DCBLD1: variants seen among roughly 807,000 people sequenced by gnomAD.
The protein encoded by DCBLD1 is discoidin, CUB and LCCL domain containing 1, also known as discoidin, CUB and LCCL domain-containing protein 1.
DCBLD1 carries 57 observed loss-of-function variants against 71.5 expected under a neutral mutation model. That is an observed-to-expected ratio of 0.80 (90% confidence interval 0.64 to 0.99). The LOEUF is 0.99. DCBLD1 is among the 50% of genes least tolerant of loss of function. The pLI is 0.00. For missense variants in DCBLD1, 891 were observed against 923.5 expected, an observed-to-expected ratio of 0.96 and a Z score of 0.46; for synonymous variants, 380 against 363.8, an observed-to-expected ratio of 1.04 and a Z score of -0.51.
intron 7 of DCBLD1, among the ~76,000 whole-genome samples, 198 bp from the exon 8 acceptor site, chr6:117,538,422 T>C (rs1295966778): frequency 1.1e-4 from 16 of 152,222 alleles, no homozygotes. Flanking sequence ...AGAAAAGCAA[T>C]AACAGTTTCA....
chr6:117,493,578 A>G (rs9489214), intron 1 of DCBLD1, among the ~76,000 whole-genome samples: 2,455 of 152,330 alleles, frequency 0.016, 54 homozygotes, highest in African/African-American at 0.056. Flanking sequence ...TATGACTACA[A>G]AAAACTAAAT....
intron 14 of DCBLD1, chr6:117,563,452 T>A (rs1779628463): frequency 2.0e-6 from 3 of 1,487,120 alleles, no homozygotes; most frequent in Non-Finnish European, 1.9e-6. Flanking sequence ...TCAGGTGCAG[T>A]GGCTCATACC....
chr6:117,525,282 C>T lies in DCBLD1; in HGVS notation c.513-80C>T, dbSNP rs527934700. The T allele has an allele frequency of 2.7e-6, 3 of 1,123,338 alleles. No individual in the cohort carries two copies. In the South Asian group the frequency reaches 9.4e-5, roughly 35 times the overall value. 69.6% of individuals were successfully genotyped at this position (1,123,338 alleles called of 1,614,324 possible). ...GATATTATATGGAGGGCAGAAAATA[C>T]TTTAAAAATTTAAGTACAGTTTAAT... On this transcript the variant is annotated intron_variant, in intron 4 of 14. Coordinates refer to ENST00000338728, the MANE Select transcript of DCBLD1 (RefSeq NM_001366458.2).
intron 1 of DCBLD1, among the ~76,000 whole-genome samples, chr6:117,486,213 G>A (rs1777080620): frequency 6.6e-6 from 1 of 152,166 alleles, no homozygotes; most frequent in African/African-American, 2.4e-5. Flanking sequence ...TTATTTTTAA[G>A]ATACATGGGG....
chr6:117,521,439 T>G, intron 3 of DCBLD1, 86 bp from the exon 4 acceptor site: 1 of 1,184,296 alleles, frequency 8.4e-7, no homozygotes, highest in Non-Finnish European at 1.2e-6. Context: ...TTTTAAAAAC[T>G]CTTTTATTTT....
Position 117,503,840 on chromosome 6 carries a change from C to G in DCBLD1, c.186C>G (p.Tyr62Ter). The G allele has an allele frequency of 6.2e-7, 1 of 1,614,050 alleles. No homozygotes were observed. Among genetic ancestry groups the G allele is most frequent in the Non-Finnish European group, 8.5e-7 (1 of 1,179,978 alleles). Reference sequence around the variant, plus strand: ...CATCTAAGAATTATCCCGGGACCTACCCCAATCACACTGTTTGCGAAAAGA... The same window carrying G: ...CATCTAAGAATTATCCCGGGACCTAGCCCAATCACACTGTTTGCGAAAAGA... The part of the protein sequence containing the change: ...TMTSKNYPGT[Y>*]PNHTVCEKTI... The change falls in exon 2 of 15, where the codon TAC becomes TAG. Residue 62 changes from tyrosine (Y) to a stop codon, truncating the protein, a stop_gained. Transcript: ENST00000338728. LOFTEE classifies it high-confidence loss of function.
intron 14 of DCBLD1, among the ~76,000 whole-genome samples, chr6:117,558,125 G>C (rs1339565489): frequency 2.0e-5 from 3 of 152,208 alleles, no homozygotes; most frequent in African/African-American, 7.2e-5. Context: ...CATGGTTCTA[G>C]GTTTTCCTCA....
chr6:117,561,461 T>A (rs1779583154), intron 14 of DCBLD1: 1 of 221,718 alleles, frequency 4.5e-6, no homozygotes, highest in African/African-American at 2.2e-5. Flanking sequence ...GGTTTTCGGG[T>A]CTGCTACAAT....
chr6:117,503,679 T>C, intron 1 of DCBLD1, 88 bp from the exon 2 acceptor site: 1 of 1,399,122 alleles, frequency 7.1e-7, no homozygotes, highest in Non-Finnish European at 9.9e-7. Flanking sequence ...ATAAAATACA[T>C]AACTTGGAGA....
intron 1 of DCBLD1, among the ~76,000 whole-genome samples, chr6:117,491,326 C>T (rs531688708): frequency 1.9e-4 from 29 of 152,224 alleles, no homozygotes; most frequent in African/African-American, 5.1e-4. Context: ...GGTTTGCCCC[C>T]ATTCCGCCCA....
Position 117,506,078 on chromosome 6 carries a change from A to G in DCBLD1, c.325+2099A>G, listed in dbSNP as rs553571074. Reference sequence around the variant, plus strand: ...TATGCTCATCTGTATTATTATTATCATTCATTATTATAGAAATAAACATAT... The same window carrying G: ...TATGCTCATCTGTATTATTATTATCGTTCATTATTATAGAAATAAACATAT... On this transcript the variant is annotated intron_variant, in intron 2 of 14. Coordinates refer to ENST00000338728, the MANE Select transcript of DCBLD1 (RefSeq NM_001366458.2). Among the ~76,000 whole-genome samples the G allele has an allele frequency of 2.6e-5, 4 of 152,226 alleles. No homozygotes were observed. The South Asian group carries it at 6.2e-4, about 24-fold the overall frequency.
chr6:117,569,782 A>G, exon 15 of DCBLD1: 1 of 1,502,906 alleles, frequency 6.7e-7, no homozygotes, highest in Non-Finnish European at 8.9e-7. Flanking sequence ...TTTGTAAGGT[A>G]CAGTTACCGA....
intron 1 of DCBLD1, among the ~76,000 whole-genome samples, chr6:117,498,775 T>C (rs1392142993): frequency 6.6e-6 from 1 of 152,168 alleles, no homozygotes; most frequent in Non-Finnish European, 1.5e-5. Context: ...TCCCAGACCT[T>C]ATGTCATTTC....
At chr6:117,541,705 C>T (rs1434441442) in intron 11 of DCBLD1, among the ~76,000 whole-genome samples, 1 of 152,108 alleles carries the variant, frequency 6.6e-6, no homozygotes, top group Non-Finnish European at 1.5e-5. Flanking sequence ...AAAAATTAGT[C>T]ATAAATCAGT....
intron 1 of DCBLD1, among the ~76,000 whole-genome samples, chr6:117,490,093 GCACA>G (rs34912807): frequency 0.25 from 36,955 of 147,190 alleles, 4,491 homozygotes; most frequent in South Asian, 0.33. Context: ...TTATGTAAAT[GCACA>G]CACACACACA....
intron 2 of DCBLD1, among the ~76,000 whole-genome samples, chr6:117,509,745 C>T (rs954296148): frequency 1.3e-5 from 2 of 152,104 alleles, no homozygotes; most frequent in Non-Finnish European, 2.9e-5. Flanking sequence ...GGCTGAGCTC[C>T]AGCAGCACAC....
chr6:117,563,579 G>A (rs977375073), intron 14 of DCBLD1, among the ~76,000 whole-genome samples: 5 of 151,784 alleles, frequency 3.3e-5, no homozygotes, highest in Admixed American at 1.3e-4. Context: ...AAAATTCGCC[G>A]GGCATGGTGG....
intron 1 of DCBLD1, among the ~76,000 whole-genome samples, chr6:117,490,133 C>T (rs76041987): frequency 0.031 from 4,647 of 150,222 alleles, 85 homozygotes; most frequent in Non-Finnish European, 0.038. Flanking sequence ...ACCCCTATAG[C>T]AAATACATGT....
At chr6:117,514,630 T>C (rs796505261) in intron 2 of DCBLD1, among the ~76,000 whole-genome samples, 2 of 151,818 alleles carry the variant, frequency 1.3e-5, no homozygotes, top group South Asian at 4.1e-4. Context: ...ATGATATTTA[T>C]ATAGAGAGGG....
Sources: gnomAD v4.1 joint callset for allele counts (sites outside exome capture counted in the v4.1 genomes callset) on GRCh38, gnomAD v4.1.1 for gene constraint, MANE v1.5 for transcripts, NCBI Gene and HGNC (gene_info 2026-07-23, HGNC 2026-07-21) for gene names.